Variants in SEC61A1 observed in about 807,000 individuals in gnomAD.
The protein encoded by SEC61A1 is SEC61 translocon subunit alpha 1, also known as protein transport protein Sec61 subunit alpha isoform 1.
In SEC61A1, 15 loss-of-function variants were observed where a neutral mutation model predicts 55.2. The ratio of observed to expected loss-of-function variants is 0.27; its 90% CI spans 0.18 to 0.42. The LOEUF (loss-of-function observed/expected upper bound fraction) is 0.42. SEC61A1 is among the 10% of genes least tolerant of loss of function. The pLI is 1.00. For synonymous variants in SEC61A1, 247 were observed against 234.0 expected (o/e 1.06, Z -0.51); for missense variants, 284 against 602.6 (o/e 0.47, Z 5.53).
chr3:128,069,429 G>A (rs1942086633), intron 11 of SEC61A1, 47 bp from the exon 12 acceptor site: 8 of 1,573,518 alleles, frequency 5.1e-6, no homozygotes, highest in African/African-American at 1.3e-5. Flanking sequence ...CCTGGCTCAC[G>A]GGGAGCTCTG....
rs1290482967 is a variant in SEC61A1 at position 128,052,684 on chromosome 3, C to T, written c.7+125C>T. 9 of 1,523,000 alleles carry T rather than the reference C, an allele frequency of 5.9e-6. No homozygotes were observed. In the East Asian group the frequency reaches 9.7e-5, roughly 16 times the overall value. The allele number at this position is 1,523,000 out of a possible 1,614,324, so 94.3% of individuals were successfully genotyped here. A position where few individuals can be genotyped will look rare whatever the true frequency, so the allele number is the denominator to read the frequency against. On this transcript the variant is annotated intron_variant, in intron 1 of 11. Transcript: ENST00000243253. ...CCCTGCAGAACGCGGCCCGTGCCCC[C>T]GGCCCTTCTCGAGTATCCCCACGCG... is the stretch of plus-strand genomic sequence containing the variant.
At chr3:128,056,615 G>C in intron 4 of SEC61A1, 94 bp from the exon 5 acceptor site, 2 of 1,153,026 alleles carry the variant, frequency 1.7e-6, no homozygotes, top group East Asian at 2.7e-5. Flanking sequence ...TTTTATATAA[G>C]GGGTACCCAG....
Position 128,056,691 on chromosome 3 carries a change from C to T in SEC61A1, c.221-18C>T. 1 of 1,504,758 alleles carries T rather than the reference C, an allele frequency of 6.6e-7. No individual in the cohort carries two copies. Among genetic ancestry groups the T allele is most frequent in the East Asian group, 2.4e-5 (1 of 41,568 alleles). 93.2% of individuals were successfully genotyped at this position (1,504,758 alleles called of 1,614,324 possible). On this transcript the variant is annotated intron_variant, in intron 4 of 11. Transcript: ENST00000243253. ...TTCCAAGCTGATATTGACTGTTTTGCTTCCCCGTTTCCTCAAGGCACATTG... is the reference window on the plus strand; with the variant it reads ...TTCCAAGCTGATATTGACTGTTTTGTTTCCCCGTTTCCTCAAGGCACATTG...
In SEC61A1 at chr3:128,067,766, A is replaced by G. The variant is rs1942028581; in HGVS notation, c.1167+154A>G. The G allele has an allele frequency of 1.5e-6, 1 of 682,374 alleles. No homozygotes were observed. The highest frequency in any genetic ancestry group is 2.5e-6 in the Non-Finnish European group (1 of 402,772). The allele number at this position is 682,374 out of a possible 1,614,324, so 42.3% of individuals were successfully genotyped here. ...GTTCAGAAGCTTTAAGGGCTGACAG[A>G]TGGAGTCCAGCAGTAGATCAGCTGT... On this transcript the variant is annotated intron_variant, in intron 10 of 11. Coordinates refer to ENST00000243253, the MANE Select transcript of SEC61A1 (RefSeq NM_013336.4). The surrounding 1 kb of genome is among the most constrained non-coding windows in gnomAD (Gnocchi z 4.1).
chr3:128,064,762 CA>C, intron 7 of SEC61A1, 114 bp from the exon 8 acceptor site: 2 of 827,274 alleles, frequency 2.4e-6, no homozygotes, highest in Non-Finnish European at 3.8e-6. Context: ...CTATGGGCAC[CA>C]TGAGTCTAAT....
chr3:128,061,394 G>A (rs1941848858), intron 7 of SEC61A1, among the ~76,000 whole-genome samples: 1 of 152,244 alleles, frequency 6.6e-6, no homozygotes, highest in African/African-American at 2.4e-5. Context: ...CTTAGAGAGT[G>A]TGACTTATTA....
chr3:128,055,759 T>C lies in SEC61A1; in HGVS notation c.220+8T>C. 1 of 1,602,488 alleles carries C rather than the reference T, an allele frequency of 6.2e-7. No homozygotes were observed. Among genetic ancestry groups the C allele is most frequent in the Non-Finnish European group, 8.6e-7 (1 of 1,169,316 alleles). ...TTCTAGCCTCTAACAGAGGTAGGAC[T>C]CTGGCTCTGTCTTTTCTCTGTAGAG... On this transcript the variant is annotated splice_region_variant and intron_variant, in intron 4 of 11. Transcript: ENST00000243253.
Position 128,066,975 on chromosome 3 carries a change from A to G in SEC61A1, c.799A>G (p.Ile267Val), listed in dbSNP as rs1404879420. 9 of 1,614,144 alleles carry G rather than the reference A, an allele frequency of 5.6e-6. No individual in the cohort carries two copies. The highest frequency in any genetic ancestry group is 7.6e-6 in the Non-Finnish European group (9 of 1,180,036). Reference protein sequence around the residue: ...YFQGFRVDLPIKSARYRGQYN... With the variant: ...YFQGFRVDLPVKSARYRGQYN... ...TCAGGGCTTCCGAGTGGACCTGCCA[A>G]TCAAGTCGGCCCGCTACCGTGGCCA... Residue 267 changes from isoleucine (I) to valine (V), a missense_variant, in exon 9 of 12, where the codon ATC (isoleucine) becomes GTC (valine). Physicochemically the swap from Ile to Val is conservative, Grantham distance 29. Transcript: ENST00000243253.
At chr3:128,065,732 ATTTT>A (rs758640768) in intron 8 of SEC61A1, among the ~76,000 whole-genome samples, 3 of 97,528 alleles carry the variant, frequency 3.1e-5, no homozygotes, top group South Asian at 7.0e-4. Flanking sequence ...ATCATTAAGA[ATTTT>A]TTTTTTTTTT....
intron 1 of SEC61A1, 90 bp from the exon 2 acceptor site, chr3:128,052,745 C>T (rs912483791): frequency 4.0e-6 from 6 of 1,501,470 alleles, no homozygotes; most frequent in Middle Eastern, 1.7e-4. Context: ...CCCCTGCTCT[C>T]ACTCGTCGTG....
At position 128,065,048 on chromosome 3, in the gene SEC61A1, A is replaced by G. The variant is rs746539212; in HGVS notation, c.777+11A>G. 1 of 1,614,084 alleles carries G rather than the reference A, an allele frequency of 6.2e-7. No individual in the cohort carries two copies. Among genetic ancestry groups the G allele is most frequent in the South Asian group, 1.1e-5 (1 of 91,090 alleles). On this transcript the variant is annotated intron_variant, in intron 8 of 11. Coordinates refer to ENST00000243253, the MANE Select transcript of SEC61A1 (RefSeq NM_013336.4). ...GTCATCTATTTCCAGGTGTGTCCAGATCCAACCCCAGGGAGTTTCCATGGT... is the reference window on the plus strand; with the variant it reads ...GTCATCTATTTCCAGGTGTGTCCAGGTCCAACCCCAGGGAGTTTCCATGGT...
rs139844380 is a variant in SEC61A1, at chr3:128,069,521, C to G, written c.1290C>G (p.Ala430=). ...AAAFGGLCIG[A]LSVLADFLGA... Reference sequence around the variant, plus strand: ...CCTTTGGTGGGCTGTGCATCGGGGCCCTCTCGGTCCTGGCTGACTTCCTAG... The same window carrying G: ...CCTTTGGTGGGCTGTGCATCGGGGCGCTCTCGGTCCTGGCTGACTTCCTAG... Residue 430 remains alanine (A), a synonymous_variant, in exon 12 of 12, where the codon GCC becomes GCG. Coordinates refer to ENST00000243253, the MANE Select transcript of SEC61A1 (RefSeq NM_013336.4). 3.7e-6 allele frequency: 6 copies of G among 1,613,888 alleles called. No individual in the cohort carries two copies. The highest frequency in any genetic ancestry group is 5.1e-6 in the Non-Finnish European group (6 of 1,180,032).
intron 8 of SEC61A1, among the ~76,000 whole-genome samples, chr3:128,066,207 T>C (rs1034283601): frequency 6.6e-6 from 1 of 152,088 alleles, no homozygotes; most frequent in African/African-American, 2.4e-5. Context: ...TAAGGAACTA[T>C]TATAAGGTGT....
chr3:128,052,943 C>G, intron 2 of SEC61A1, 41 bp downstream of exon 2: 1 of 1,489,614 alleles, frequency 6.7e-7, no homozygotes, highest in Non-Finnish European at 9.3e-7. Context: ...TTTCAGGAAA[C>G]TGTCTGGACT....
At chr3:128,065,786 G>C (rs1020586183) in intron 8 of SEC61A1, among the ~76,000 whole-genome samples, 2 of 136,992 alleles carry the variant, frequency 1.5e-5, no homozygotes, top group African/African-American at 5.8e-5. Flanking sequence ...GCCCAGGCTG[G>C]AGTGCAGTGG....
At chr3:128,066,801 G>C in intron 8 of SEC61A1, 153 bp from the exon 9 acceptor site, 1 of 669,138 alleles carries the variant, frequency 1.5e-6, no homozygotes, top group South Asian at 1.9e-5. Flanking sequence ...TGGGTAAGGA[G>C]TGGGCACAAG....
chr3:128,063,365 T>C (rs1242297693), intron 7 of SEC61A1, among the ~76,000 whole-genome samples: 1 of 152,170 alleles, frequency 6.6e-6, no homozygotes, highest in African/African-American at 2.4e-5. Flanking sequence ...TGAGACGGAG[T>C]CTTGCTCTGT....
intron 7 of SEC61A1, among the ~76,000 whole-genome samples, chr3:128,062,136 G>A (rs1941861479): frequency 1.3e-5 from 2 of 152,232 alleles, no homozygotes; most frequent in African/African-American, 4.8e-5. Context: ...AGAAGCAAAG[G>A]TGGATTTGTC....
chr3:128,056,661 T>C, intron 4 of SEC61A1, 48 bp from the exon 5 acceptor site: 1 of 1,423,668 alleles, frequency 7.0e-7, no homozygotes, highest in Non-Finnish European at 9.3e-7. Flanking sequence ...AATAACGTAC[T>C]ACGTTTCCAA....
Sources: allele counts gnomAD v4.1 joint callset (sites outside exome capture counted in the v4.1 genomes callset), GRCh38; gene constraint gnomAD v4.1.1; non-coding constraint Gnocchi (gnomAD v3.1); transcripts MANE v1.5; gene names NCBI Gene and HGNC (gene_info 2026-07-23, HGNC 2026-07-21).